The following DYNC2LI1 variants were observed in gnomAD, a reference collection of about 807,000 sequenced individuals.
DYNC2LI1 encodes the protein dynein cytoplasmic 2 light intermediate chain 1.
Under a neutral mutation model 51.9 loss-of-function variants are expected in DYNC2LI1, and 45 were observed. The observed-to-expected ratio is 0.87, with a 90% CI of 0.68 to 1.11. DYNC2LI1 has a LOEUF of 1.11. Among genes scored for constraint, DYNC2LI1 ranks in the 50% most tolerant of loss-of-function variants. The probability of loss-of-function intolerance (pLI) is 0.00; values close to 1 mark genes in which losing one functional copy is unlikely to be tolerated. For synonymous variants in DYNC2LI1, 130 were observed against 137.8 expected, an observed-to-expected ratio of 0.94 and a Z score of 0.40; for missense variants, 490 against 417.4, an observed-to-expected ratio of 1.17 and a Z score of -1.51.
the DYNC2LI1 span, among the ~76,000 whole-genome samples, chr2:43,826,907 A>T: frequency 6.6e-6 from 1 of 152,244 alleles, no homozygotes; most frequent in South Asian, 2.1e-4. Flanking sequence ...TGTCTGTAAC[A>T]CTTTCCAACA....
chr2:43,816,397 G>T, the DYNC2LI1 span, among the ~76,000 whole-genome samples: 1 of 152,108 alleles, frequency 6.6e-6, no homozygotes, highest in African/African-American at 2.4e-5. Flanking sequence ...TGCGCCTCTA[G>T]CCTTGGGAAC....
chr2:43,793,062 T>C (rs1451787984), intron 5 of DYNC2LI1: 1 of 276,492 alleles, frequency 3.6e-6, no homozygotes, highest in East Asian at 8.4e-5. Flanking sequence ...GGTGAATTTT[T>C]TGAGGAATCA....
the DYNC2LI1 span, chr2:43,822,835 G>A: frequency 4.2e-5 from 67 of 1,614,156 alleles, no homozygotes; most frequent in East Asian, 3.8e-4. Flanking sequence ...TGGCAACAAC[G>A]CTGAAGGGGA....
In DYNC2LI1 at chr2:43,801,773, A is replaced by G. The variant is rs1666086252; in HGVS notation, c.802+64A>G. ...TTGCTTATTGATTTTGTCCTACTCCATGTTCACTTTGTCTCCAACATACTC... is the reference window on the plus strand; with the variant it reads ...TTGCTTATTGATTTTGTCCTACTCCGTGTTCACTTTGTCTCCAACATACTC... On this transcript the variant is annotated intron_variant, in intron 10 of 12. Coordinates refer to ENST00000260605, the MANE Select transcript of DYNC2LI1 (RefSeq NM_016008.4). The G allele has an allele frequency of 3.4e-5, 43 of 1,253,754 alleles. 1 individual carries two copies. In the South Asian group the frequency reaches 4.9e-4, roughly 14 times the overall value. The allele number at this position is 1,253,754 out of a possible 1,614,324, so 77.7% of individuals were successfully genotyped here.
At chr2:43,820,791 T>G in the DYNC2LI1 span, among the ~76,000 whole-genome samples, 2 of 152,100 alleles carry the variant, frequency 1.3e-5, no homozygotes, top group African/African-American at 4.8e-5. Context: ...GTAGCTGGGA[T>G]TACAGGTGCG....
intron 2 of DYNC2LI1, among the ~76,000 whole-genome samples, chr2:43,779,522 A>C (rs1290393590): frequency 6.6e-6 from 1 of 152,172 alleles, no homozygotes; most frequent in East Asian, 1.9e-4. Flanking sequence ...TCTCCCTGGG[A>C]AGCAACTTGT....
chr2:43,813,172 G>T, downstream of DYNC2LI1: 1 of 1,506,214 alleles, frequency 6.6e-7, no homozygotes, highest in Non-Finnish European at 9.2e-7. Context: ...AGGATGACAA[G>T]AGCTGGAATA....
At chr2:43,811,082 A>G (rs565771453), downstream of DYNC2LI1, among the ~76,000 whole-genome samples, 160 of 152,330 alleles carry the variant, frequency 1.1e-3, no homozygotes, top group Middle Eastern at 3.4e-3. Flanking sequence ...CTGCATATGA[A>G]TAGTAGAAAA....
At chr2:43,783,441 G>T in intron 2 of DYNC2LI1, 79 bp from the exon 3 acceptor site, 2 of 1,051,856 alleles carry the variant, frequency 1.9e-6, no homozygotes. Context: ...AATCTATTTT[G>T]GGCCACAATT....
the DYNC2LI1 span, chr2:43,819,968 A>T: frequency 6.2e-7 from 1 of 1,614,170 alleles, no homozygotes. Context: ...GAGCCACTAC[A>T]CTGTTGACTA....
chr2:43,774,460 C>G (rs1672920201), intron 1 of DYNC2LI1, among the ~76,000 whole-genome samples: 1 of 152,220 alleles, frequency 6.6e-6, no homozygotes, highest in Non-Finnish European at 1.5e-5. Flanking sequence ...AGCTAGACCA[C>G]AAAGCCTCCT....
rs748800644 is a variant in DYNC2LI1, at chr2:43,805,253, T to A, written c.993+7T>A. On this transcript the variant is annotated splice_region_variant and intron_variant, in intron 12 of 12. Coordinates refer to ENST00000260605, the MANE Select transcript of DYNC2LI1 (RefSeq NM_016008.4). ...GAGAATTCAGAAGGATCTGGTATTA[T>A]CCTAAACATTTACTTAATTTCATCT... The A allele has an allele frequency of 2.6e-6, 4 of 1,560,472 alleles. No individual in the cohort carries two copies. In the South Asian group the frequency reaches 4.6e-5, roughly 18 times the overall value.
rs201000281 is a variant in DYNC2LI1 at position 43,795,431 on chromosome 2, G to C, written c.508-459G>C. Among the ~76,000 whole-genome samples, 4 of 152,074 alleles carry C rather than the reference G, an allele frequency of 2.6e-5. No individual in the cohort carries two copies. In the East Asian group the frequency reaches 7.7e-4, roughly 29 times the overall value. ...AGGCAGGAGAATCGCTTGAACCTGG[G>C]AAGTGGAGGTTGCAGTGAGCCGAGA... On this transcript the variant is annotated intron_variant, in intron 6 of 12. Transcript: ENST00000260605.
chr2:43,823,537 T>C, the DYNC2LI1 span, among the ~76,000 whole-genome samples: 1 of 152,132 alleles, frequency 6.6e-6, no homozygotes, highest in South Asian at 2.1e-4. Flanking sequence ...CTGGCTGTCC[T>C]AAAATCAGCT....
intron 3 of DYNC2LI1, among the ~76,000 whole-genome samples, chr2:43,785,578 A>T (rs1156894711): frequency 6.6e-6 from 1 of 152,058 alleles, no homozygotes; most frequent in Non-Finnish European, 1.5e-5. Flanking sequence ...TACTAAAAAT[A>T]CAAAAATTGG....
chr2:43,776,557 T>C (rs1344057500), intron 1 of DYNC2LI1, among the ~76,000 whole-genome samples: 1 of 152,208 alleles, frequency 6.6e-6, no homozygotes, highest in Non-Finnish European at 1.5e-5. Flanking sequence ...ATAAAGGCTC[T>C]GCTTATCAAT....
chr2:43,781,077 T>G (rs1673256735), intron 2 of DYNC2LI1, among the ~76,000 whole-genome samples: 1 of 152,082 alleles, frequency 6.6e-6, no homozygotes, highest in Non-Finnish European at 1.5e-5. Flanking sequence ...ATAATAAAAG[T>G]GATTTAAGGC....
At position 43,800,619 on chromosome 2, in the gene DYNC2LI1, A is replaced by C. The variant is rs147755332; in HGVS notation, c.655-222A>C. 2.4e-4 allele frequency among the ~76,000 whole-genome samples: 36 copies of C among 152,320 alleles called. No homozygotes were observed. The East Asian group carries it at 5.4e-3, about 23-fold the overall frequency. ...CTGAAATGATGAGTACATAAACACA[A>C]GTCCTTTCCACATCATGTACTCATT... On this transcript the variant is annotated intron_variant, in intron 8 of 12. Transcript: ENST00000260605.
At chr2:43,789,583 C>T in intron 4 of DYNC2LI1, 50 bp from the exon 5 acceptor site, 1 of 1,396,282 alleles carries the variant, frequency 7.2e-7, no homozygotes, top group Non-Finnish European at 1.0e-6. Flanking sequence ...GTGCTAATGA[C>T]ATATAAGAAG....
Sources: gnomAD v4.1 joint callset for allele counts (sites outside exome capture counted in the v4.1 genomes callset) on GRCh38, gnomAD v4.1.1 for gene constraint, MANE v1.5 for transcripts, NCBI Gene and HGNC (gene_info 2026-07-23, HGNC 2026-07-21) for gene names.